Variants in METTL5 observed in about 807,000 individuals in gnomAD.
METTL5 encodes the protein methyltransferase 5, N6-adenosine.
In METTL5, 28 loss-of-function variants were observed where a neutral mutation model predicts 26.5. The observed-to-expected ratio is 1.06, with a 90% CI of 0.78 to 1.45. The LOEUF (loss-of-function observed/expected upper bound fraction) is 1.45. METTL5 is among the 40% of genes most tolerant of loss of function. METTL5 has a pLI of 0.00. For synonymous variants in METTL5, 86 were observed against 82.6 expected (o/e 1.04, Z -0.22); for missense variants, 231 against 249.9 (o/e 0.92, Z 0.51).
At chr2:169,813,766 G>A (rs904577383) in intron 5 of METTL5, among the ~76,000 whole-genome samples, 11 of 152,078 alleles carry the variant, frequency 7.2e-5, no homozygotes, top group Non-Finnish European at 1.2e-4. Flanking sequence ...GGGAGACTGA[G>A]GCAGGAGAAG....
intron 4 of METTL5, 132 bp from the exon 5 acceptor site, chr2:169,815,660 C>A (rs778869596): frequency 1.2e-5 from 7 of 577,996 alleles, no homozygotes; most frequent in Non-Finnish European, 2.1e-5. Context: ...ATAAAAATTT[C>A]AATTGAATGG....
chr2:169,824,352 G>A, intron 1 of METTL5, 137 bp downstream of exon 1: 2 of 674,256 alleles, frequency 3.0e-6, no homozygotes, highest in Non-Finnish European at 5.3e-6. Context: ...GTCAAGGAAG[G>A]CCTCTCTAAC....
At chr2:169,819,129 G>C (rs2081548697) in intron 4 of METTL5, among the ~76,000 whole-genome samples, 1 of 152,178 alleles carries the variant, frequency 6.6e-6, no homozygotes, top group African/African-American at 2.4e-5. Context: ...TGCTGCAAAA[G>C]TAAGAATAGG....
At position 169,820,146 on chromosome 2, in the gene METTL5, G is replaced by A. The variant is rs192192839; in HGVS notation, c.407-503C>T. Reference sequence around the variant, plus strand: ...CTCATTTTGTATTTTTAGTAGAGACGGGGTTTCTCCATGTTGGTCAGGCTG... The same window carrying A: ...CTCATTTTGTATTTTTAGTAGAGACAGGGTTTCTCCATGTTGGTCAGGCTG... On this transcript the variant is annotated intron_variant, in intron 3 of 6. Transcript: ENST00000260953. Among the ~76,000 whole-genome samples, 679 of 152,068 alleles carry A rather than the reference G, an allele frequency of 4.5e-3. 6 individuals are homozygous for A. Among genetic ancestry groups the A allele is most frequent in the African/African-American group, 0.015 (636 of 41,490 alleles).
intron 4 of METTL5, among the ~76,000 whole-genome samples, chr2:169,816,037 ATGTT>A (rs1247272024): frequency 6.6e-6 from 1 of 151,990 alleles, no homozygotes; most frequent in Non-Finnish European, 1.5e-5. Context: ...GGTCCACTCT[ATGTT>A]TGCACAATGA....
chr2:169,814,026 A>G (rs1464589366), intron 5 of METTL5, among the ~76,000 whole-genome samples: 1 of 151,836 alleles, frequency 6.6e-6, no homozygotes, highest in Non-Finnish European at 1.5e-5. Context: ...CCCTTATTGC[A>G]CTCTTATTTC....
intron 6 of METTL5, chr2:169,812,185 A>C (rs1689985888): frequency 3.5e-6 from 2 of 579,166 alleles, no homozygotes; most frequent in Non-Finnish European, 5.9e-6. Flanking sequence ...CTGGCTTTGT[A>C]TATTTACACA....
chr2:169,821,578 A>T (rs956130446), intron 2 of METTL5, among the ~76,000 whole-genome samples: 1 of 151,842 alleles, frequency 6.6e-6, no homozygotes, highest in Non-Finnish European at 1.5e-5. Flanking sequence ...TAGACATGGG[A>T]TTTCACCATG....
intron 4 of METTL5, among the ~76,000 whole-genome samples, chr2:169,816,607 C>G (rs2081509822): frequency 1.3e-5 from 2 of 152,188 alleles, no homozygotes; most frequent in South Asian, 4.2e-4. Context: ...ATATATAGAC[C>G]AATGGAACAG....
intron 5 of METTL5, among the ~76,000 whole-genome samples, chr2:169,814,258 C>T (rs1690071970): frequency 6.6e-6 from 1 of 151,700 alleles, no homozygotes; most frequent in Non-Finnish European, 1.5e-5. Context: ...GAGGCCGAGG[C>T]TGGAGGATCA....
At position 169,811,815 on chromosome 2, in the gene METTL5, G is replaced by A. The variant is rs766329392; in HGVS notation, c.*5C>T. The A allele has an allele frequency of 1.2e-6, 2 of 1,613,512 alleles. No individual in the cohort carries two copies. The highest frequency in any genetic ancestry group is 2.2e-5 in the South Asian group (2 of 90,968). ...GGTTTTAAACGACTTTTGTTTGCGG[G>A]GCTTTTAAAAGGAAAACCGAATTAG... is the stretch of plus-strand genomic sequence containing the variant. On this transcript the variant is annotated 3_prime_UTR_variant, in exon 7 of 7. Coordinates refer to ENST00000260953, the MANE Select transcript of METTL5 (RefSeq NM_014168.4).
Position 169,817,102 on chromosome 2 carries a change from C to A in METTL5, c.490-1574G>T, listed in dbSNP as rs186574150. ...GAAACAAATTTACAAGAAAAAAAAA[C>A]CCATCAAAAAAGTGGGCAAAAGATA... On this transcript the variant is annotated intron_variant, in intron 4 of 6. Transcript: ENST00000260953. Among the ~76,000 whole-genome samples the A allele has an allele frequency of 4.7e-3, 714 of 151,834 alleles. 1 individual carries two copies. The highest frequency in any genetic ancestry group is 0.016 in the African/African-American group (650 of 41,422).
At chr2:169,814,862 A>G (rs1313640757) in intron 5 of METTL5, among the ~76,000 whole-genome samples, 1 of 150,790 alleles carries the variant, frequency 6.6e-6, no homozygotes, top group Non-Finnish European at 1.5e-5. Context: ...GGCGTGAGCT[A>G]CCGCGCCCGG....
intron 2 of METTL5, 82 bp from the exon 3 acceptor site, chr2:169,821,355 T>TG: frequency 1.9e-6 from 2 of 1,035,366 alleles, no homozygotes; most frequent in Non-Finnish European, 2.8e-6. Flanking sequence ...GTTTTTTTTT[T>TG]AAACCATATA....
intron 4 of METTL5, among the ~76,000 whole-genome samples, chr2:169,816,851 G>T (rs1275082917): frequency 1.3e-5 from 2 of 152,070 alleles, no homozygotes; most frequent in Non-Finnish European, 1.5e-5. Context: ...AGAAAACCTA[G>T]GCAATACCAT....
At chr2:169,817,086 T>G (rs1242861918) in intron 4 of METTL5, among the ~76,000 whole-genome samples, 1 of 151,498 alleles carries the variant, frequency 6.6e-6, no homozygotes, top group East Asian at 1.9e-4. Context: ...TGAAACAAAT[T>G]TACAAGAAAA....
Position 169,813,345 on chromosome 2 carries a change from G to A in METTL5, c.542-839C>T, listed in dbSNP as rs1690042814. Among the ~76,000 whole-genome samples the A allele has an allele frequency of 4.0e-5, 6 of 151,526 alleles. No individual in the cohort carries two copies. The South Asian group carries it at 1.3e-3, about 32-fold the overall frequency. On this transcript the variant is annotated intron_variant, in intron 5 of 6. Coordinates refer to ENST00000260953, the MANE Select transcript of METTL5 (RefSeq NM_014168.4). Reference sequence around the variant, plus strand: ...AGGGTTTCACTATGTTAGCCAGGATGGTCTTGATCTCCTGACCTCAAGATC... The same window carrying A: ...AGGGTTTCACTATGTTAGCCAGGATAGTCTTGATCTCCTGACCTCAAGATC...
chr2:169,819,784 CA>C, intron 3 of METTL5, 141 bp from the exon 4 acceptor site: 2 of 557,192 alleles, frequency 3.6e-6, no homozygotes, highest in Non-Finnish European at 6.4e-6. Context: ...AATAAACTAT[CA>C]AAATATTATT....
At chr2:169,812,583 C>A (rs1264637810) in intron 5 of METTL5, 77 bp from the exon 6 acceptor site, 1 of 1,459,968 alleles carries the variant, frequency 6.8e-7, no homozygotes, top group South Asian at 1.3e-5. Context: ...ACAACAACAA[C>A]AAAAACTAAG....
Sources: allele counts gnomAD v4.1 joint callset (sites outside exome capture counted in the v4.1 genomes callset), GRCh38; gene constraint gnomAD v4.1.1; transcripts MANE v1.5; gene names NCBI Gene and HGNC (gene_info 2026-07-23, HGNC 2026-07-21).